FRA10AC1: variants seen among roughly 807,000 people sequenced by gnomAD.
The protein encoded by FRA10AC1 is FRA10A associated CGG repeat 1.
In FRA10AC1, 43 loss-of-function variants were observed where a neutral mutation model predicts 56.5. The ratio of observed to expected loss-of-function variants is 0.76; its 90% CI spans 0.60 to 0.98. The LOEUF is 0.98. Ranked by LOEUF, FRA10AC1 falls within the 50% of genes least tolerant of loss-of-function variation. The pLI is 0.00. For missense variants in FRA10AC1, 346 were observed against 351.8 expected (o/e 0.98, Z 0.13); for synonymous variants, 112 against 110.5 (o/e 1.01, Z -0.09).
chr10:93,693,344 A>G (rs939316458), intron 5 of FRA10AC1, among the ~76,000 whole-genome samples: 2 of 146,460 alleles, frequency 1.4e-5, no homozygotes, highest in Non-Finnish European at 3.0e-5. Flanking sequence ...TGTTAGAGGG[A>G]AAAAAAAAAC....
At chr10:93,677,286 G>A (rs2058858363) in intron 11 of FRA10AC1, among the ~76,000 whole-genome samples, 1 of 152,082 alleles carries the variant, frequency 6.6e-6, no homozygotes, top group South Asian at 2.1e-4. Context: ...AGACCTCAGG[G>A]AAAATATTTC....
At chr10:93,694,718 A>T in intron 5 of FRA10AC1, 143 bp downstream of exon 5, 2 of 84,328 alleles carry the variant, frequency 2.4e-5, no homozygotes, top group Non-Finnish European at 2.6e-5. Flanking sequence ...CATCTTAAAA[A>T]AAAAAAAAAA....
chr10:93,669,529 A>C lies in FRA10AC1; in HGVS notation c.*297T>G. On this transcript the variant is annotated 3_prime_UTR_variant, in exon 14 of 14. Transcript: ENST00000359204. ...GATACATAATGAAGGCAGTGAAAAAAAACCTACAAAATGTAGGAACAATGG... is the reference window on the plus strand; with the variant it reads ...GATACATAATGAAGGCAGTGAAAAACAACCTACAAAATGTAGGAACAATGG... 3.6e-6 allele frequency: 1 copy of C among 281,120 alleles called. No homozygotes were observed. 17.4% of individuals were successfully genotyped at this position (281,120 alleles called of 1,614,324 possible).
chr10:93,676,210 T>A (rs900308657), intron 12 of FRA10AC1, among the ~76,000 whole-genome samples: 2 of 152,202 alleles, frequency 1.3e-5, no homozygotes, highest in Non-Finnish European at 2.9e-5. Flanking sequence ...ACTTATTGTG[T>A]ATGTTTTTAT....
intron 12 of FRA10AC1, chr10:93,675,642 C>A: frequency 2.7e-6 from 1 of 368,214 alleles, no homozygotes; most frequent in Non-Finnish European, 5.8e-6. Flanking sequence ...GAAGCAGGGG[C>A]TGCAGTCAGC....
In FRA10AC1 at chr10:93,681,587, A is replaced by G; in HGVS notation, c.680T>C (p.Ile227Thr). ...KLNFHHRRKE[I>T]KSKKRKDKTK... ...TTTATCTTTTCTTTTTTTTGACTTGATTTCTTTTCTCCTTTGTGTTAAACA... is the reference window on the plus strand; with the variant it reads ...TTTATCTTTTCTTTTTTTTGACTTGGTTTCTTTTCTCCTTTGTGTTAAACA... Residue 227 changes from isoleucine (I) to threonine (T), a missense_variant, in exon 11 of 14, where the codon ATC becomes ACC. By Grantham distance (89) the Ile-to-Thr change is moderately conservative. Transcript: ENST00000359204. 1 of 1,521,958 alleles carries G rather than the reference A, an allele frequency of 6.6e-7. No individual in the cohort carries two copies. The highest frequency in any genetic ancestry group is 8.8e-7 in the Non-Finnish European group (1 of 1,132,360). 94.3% of individuals were successfully genotyped at this position (1,521,958 alleles called of 1,614,324 possible).
intron 12 of FRA10AC1, chr10:93,672,083 T>A: frequency 2.2e-6 from 1 of 451,170 alleles, no homozygotes. Flanking sequence ...CAATAATGAT[T>A]ATTAGTCTAA....
intron 7 of FRA10AC1, among the ~76,000 whole-genome samples, chr10:93,689,486 T>A (rs989444131): frequency 6.6e-6 from 1 of 152,112 alleles, no homozygotes. Flanking sequence ...ATCCAACATA[T>A]GTTAGGATGT....
At position 93,681,555 on chromosome 10, in the gene FRA10AC1, T is replaced by C. The variant is rs745751956; in HGVS notation, c.712A>G (p.Lys238Glu). Residue 238 changes from lysine (K) to glutamate (E), a missense_variant, in exon 11 of 14, where the codon AAA becomes GAA. Lys to Glu is a moderately conservative substitution (Grantham distance 56). Coordinates refer to ENST00000359204, the MANE Select transcript of FRA10AC1 (RefSeq NM_145246.5). ...KSKKRKDKTK[K>E]DCEESSHKKS... is the part of the protein sequence containing the mutation. The stretch of plus-strand genomic sequence containing the variant: ...TTATGTGATGACTCTTCACAGTCTT[T>C]TTTGGTTTTATCTTTTCTTTTTTTT... 6.4e-7 allele frequency: 1 copy of C among 1,571,906 alleles called. No homozygotes were observed. The highest frequency in any genetic ancestry group is 8.6e-7 in the Non-Finnish European group (1 of 1,163,536).
At chr10:93,698,593 C>G (rs1200938894) in intron 2 of FRA10AC1, among the ~76,000 whole-genome samples, 197 bp from the exon 3 acceptor site, 1 of 152,084 alleles carries the variant, frequency 6.6e-6, no homozygotes, top group Non-Finnish European at 1.5e-5. Flanking sequence ...ACCTATAACA[C>G]GGGGAAGATG....
Position 93,694,872 on chromosome 10 carries a change from G to T in FRA10AC1, c.285C>A (p.Phe95Leu), listed in dbSNP as rs1341230462. The T allele has an allele frequency of 2.5e-6, 4 of 1,585,944 alleles. No homozygotes were observed. Among genetic ancestry groups the T allele is most frequent in the Non-Finnish European group, 3.5e-6 (4 of 1,154,562 alleles). ...ILYYGGKKED[F>L]KRLGENDKTD... Reference sequence around the variant, plus strand: ...TTCCTGATACTTACCCCAAACGCTTGAAGTCTTCTTTTTTGCCACCATAGT... The same window carrying T: ...TTCCTGATACTTACCCCAAACGCTTTAAGTCTTCTTTTTTGCCACCATAGT... The change falls in exon 5 of 14, where the codon TTC (phenylalanine) becomes TTA (leucine). Residue 95 changes from phenylalanine (F) to leucine (L), a missense_variant. Physicochemically the swap from Phe to Leu is conservative, Grantham distance 22. Coordinates refer to ENST00000359204, the MANE Select transcript of FRA10AC1 (RefSeq NM_145246.5).
intron 4 of FRA10AC1, among the ~76,000 whole-genome samples, 161 bp downstream of exon 4, chr10:93,697,975 A>G (rs1456095248): frequency 6.6e-6 from 1 of 152,194 alleles, no homozygotes; most frequent in Admixed American, 6.5e-5. Context: ...TTAGTAAAAG[A>G]GAATTGTACC....
chr10:93,700,180 A>G (rs1032165549), intron 1 of FRA10AC1, 74 bp from the exon 2 acceptor site: 15 of 876,790 alleles, frequency 1.7e-5, no homozygotes, highest in Non-Finnish European at 2.6e-5. Context: ...TTCAAAAATA[A>G]GTTATCTTAA....
Position 93,668,871 on chromosome 10 carries a change from C to T in FRA10AC1, c.*955G>A, listed in dbSNP as rs543380827. Reference sequence around the variant, plus strand: ...TGAGATTTGGGTGGGGACACAGAGCCAAACCATATCAGAGGTATATTCATA... The same window carrying T: ...TGAGATTTGGGTGGGGACACAGAGCTAAACCATATCAGAGGTATATTCATA... On this transcript the variant is annotated 3_prime_UTR_variant, in exon 14 of 14. Transcript: ENST00000359204. The T allele has an allele frequency of 1.3e-5, 2 of 152,238 alleles. No individual in the cohort carries two copies. Among genetic ancestry groups the T allele is most frequent in the South Asian group, 4.1e-4 (2 of 4,820 alleles). 9.4% of individuals were successfully genotyped at this position (152,238 alleles called of 1,614,324 possible).
intron 12 of FRA10AC1, among the ~76,000 whole-genome samples, chr10:93,676,421 C>T (rs962847826): frequency 6.6e-6 from 1 of 152,058 alleles, no homozygotes; most frequent in African/African-American, 2.4e-5. Flanking sequence ...ATTGTATTTA[C>T]TGGAAAAATT....
At chr10:93,692,415 C>T (rs1476440190) in intron 6 of FRA10AC1, among the ~76,000 whole-genome samples, 1 of 152,068 alleles carries the variant, frequency 6.6e-6, no homozygotes. Flanking sequence ...AGATAACACA[C>T]AATACTGTAA....
intron 6 of FRA10AC1, among the ~76,000 whole-genome samples, chr10:93,692,366 A>C (rs1267853696): frequency 1.3e-5 from 2 of 152,164 alleles, no homozygotes; most frequent in African/African-American, 2.4e-5. Context: ...TTCAGGTATG[A>C]CTTTTTTCTA....
chr10:93,698,957 C>T (rs867085084), intron 2 of FRA10AC1, among the ~76,000 whole-genome samples: 27 of 152,204 alleles, frequency 1.8e-4, no homozygotes, highest in African/African-American at 5.1e-4. Context: ...GTGTATTTTA[C>T]GCAGGCCCAG....
chr10:93,693,269 T>G (rs10882304), intron 5 of FRA10AC1, among the ~76,000 whole-genome samples: 60,020 of 145,420 alleles, frequency 0.41, 14,238 homozygotes, highest in Non-Finnish European at 0.53. Context: ...AATTGATAGG[T>G]GAGATAAATT....
Sources: allele counts gnomAD v4.1 joint callset (sites outside exome capture counted in the v4.1 genomes callset), GRCh38; gene constraint gnomAD v4.1.1; transcripts MANE v1.5; gene names NCBI Gene and HGNC (gene_info 2026-07-23, HGNC 2026-07-21).